The following PTPRS variants were observed in gnomAD, a reference collection of about 807,000 sequenced individuals.
PTPRS encodes protein tyrosine phosphatase receptor type S.
PTPRS carries 63 observed loss-of-function variants against 215.3 expected under a neutral mutation model. The ratio of observed to expected loss-of-function variants is 0.29; its 90% CI spans 0.24 to 0.36. The LOEUF (loss-of-function observed/expected upper bound fraction) is 0.36, where lower values mean the gene tolerates loss of function less well. Among genes scored for constraint, PTPRS ranks in the 10% least tolerant of loss-of-function variants. PTPRS has a pLI of 1.00. For missense variants in PTPRS, 2,258 were observed against 2,825.8 expected (o/e 0.80, Z 4.56); for synonymous variants, 1,404 against 1,191.4 (o/e 1.18, Z -3.68).
chr19:5,308,903 G>C (rs1000030687), intron 1 of PTPRS, among the ~76,000 whole-genome samples: 1 of 152,158 alleles, frequency 6.6e-6, no homozygotes, highest in Non-Finnish European at 1.5e-5. Context: ...AATTTTGCTC[G>C]CTCCCTCCCG....
intron 1 of PTPRS, among the ~76,000 whole-genome samples, chr19:5,315,386 CAG>C (rs2049844397): frequency 1.6e-5 from 1 of 61,528 alleles, no homozygotes; most frequent in Non-Finnish European, 3.4e-5. Context: ...TTTTTTGAGA[CAG>C]AGTCTCACTC....
At chr19:5,227,536 T>C (rs1437220532) in intron 16 of PTPRS, among the ~76,000 whole-genome samples, 1 of 151,940 alleles carries the variant, frequency 6.6e-6, no homozygotes, top group African/African-American at 2.4e-5. Context: ...TGCCTCAGCC[T>C]CCCGAGTAGC....
At chr19:5,271,793 C>T (rs2046935458) in intron 4 of PTPRS, among the ~76,000 whole-genome samples, 1 of 152,002 alleles carries the variant, frequency 6.6e-6, no homozygotes, top group Admixed American at 6.6e-5. Context: ...GGTGTGATCT[C>T]AGCTCACTGC....
intron 4 of PTPRS, among the ~76,000 whole-genome samples, chr19:5,267,363 C>T (rs1202518246): frequency 6.6e-6 from 1 of 152,054 alleles, no homozygotes; most frequent in East Asian, 1.9e-4. Flanking sequence ...GGGTGCTCTA[C>T]AAACCAAGAT....
intron 1 of PTPRS, among the ~76,000 whole-genome samples, chr19:5,288,117 G>A (rs1447513954): frequency 6.6e-6 from 1 of 152,092 alleles, no homozygotes; most frequent in African/African-American, 2.4e-5. Flanking sequence ...AGGGGTCATG[G>A]TGGGGCAGGC....
chr19:5,286,336 C>A, intron 1 of PTPRS, 102 bp from the exon 2 acceptor site: 1 of 616,280 alleles, frequency 1.6e-6, no homozygotes, highest in Non-Finnish European at 2.9e-6. Context: ...GAGGGTCCTG[C>A]GGGGGCTGGT....
At chr19:5,218,279 G>A in intron 25 of PTPRS, 141 bp downstream of exon 25, 1 of 723,000 alleles carries the variant, frequency 1.4e-6, no homozygotes, top group Non-Finnish European at 2.4e-6. Flanking sequence ...TAGGGTTGGA[G>A]GTATTTGGGA....
At chr19:5,304,563 C>A (rs550489287) in intron 1 of PTPRS, among the ~76,000 whole-genome samples, 8 of 152,296 alleles carry the variant, frequency 5.3e-5, no homozygotes, top group East Asian at 1.9e-4. Context: ...GTGAGAGAAT[C>A]ACTTGAACCC....
chr19:5,333,101 A>G (rs2050379475), intron 1 of PTPRS, among the ~76,000 whole-genome samples: 1 of 152,058 alleles, frequency 6.6e-6, no homozygotes, highest in Non-Finnish European at 1.5e-5. Context: ...GTGAGCTGAG[A>G]TCACGCCGTT....
chr19:5,327,910 C>T (rs2050213485), intron 1 of PTPRS, among the ~76,000 whole-genome samples: 1 of 151,986 alleles, frequency 6.6e-6, no homozygotes, highest in African/African-American at 2.4e-5. Context: ...TACTGGTTGA[C>T]TCTTAAAATC....
At chr19:5,263,860 C>T (rs981474965) in intron 5 of PTPRS, among the ~76,000 whole-genome samples, 2 of 152,202 alleles carry the variant, frequency 1.3e-5, no homozygotes, top group Non-Finnish European at 2.9e-5. Context: ...AAGGGAGGCC[C>T]GTGTGTGACA....
intron 37 of PTPRS, 29 bp from the exon 38 acceptor site, chr19:5,206,871 C>A: frequency 6.2e-7 from 1 of 1,607,380 alleles, no homozygotes; most frequent in East Asian, 2.2e-5. Context: ...CCTGTTAGTA[C>A]CTCCGCTGCT....
At chr19:5,315,071 C>T (rs2049828564) in intron 1 of PTPRS, among the ~76,000 whole-genome samples, 1 of 152,128 alleles carries the variant, frequency 6.6e-6, no homozygotes, top group Non-Finnish European at 1.5e-5. Context: ...GAAGCTTTTG[C>T]CCATGCTGTT....
In PTPRS at chr19:5,223,226, C is replaced by A; in HGVS notation, c.2566G>T (p.Ala856Ser). The change falls in exon 18 of 38, where the codon GCT becomes TCT. Residue 856 changes from alanine (A) to serine (S), a missense_variant. Around this residue, in one of 6 missense-constraint regions of PTPRS, gnomAD observed 361 missense variants for 332.6 expected, o/e 1.09. Transcript: ENST00000262963. ...GSLLARWEPP[A>S]GTAEDQVLGY... The stretch of plus-strand genomic sequence containing the variant: ...AGCACCTGGTCCTCCGCGGTGCCAG[C>A]CGGGGGCTCCCAGCGTGCCAGCAGG... The A allele has an allele frequency of 6.7e-7, 1 of 1,494,310 alleles. No individual in the cohort carries two copies. The highest frequency in any genetic ancestry group is 8.9e-7 in the Non-Finnish European group (1 of 1,121,992). 92.6% of individuals were successfully genotyped at this position (1,494,310 alleles called of 1,614,324 possible).
At chr19:5,259,601 A>T (rs1345601365) in intron 7 of PTPRS, among the ~76,000 whole-genome samples, 1 of 152,204 alleles carries the variant, frequency 6.6e-6, no homozygotes, top group Non-Finnish European at 1.5e-5. Context: ...ATAAGTAAAT[A>T]AAACTTAGTG....
chr19:5,233,802 C>CG (rs977464534), intron 13 of PTPRS, among the ~76,000 whole-genome samples: 5 of 151,280 alleles, frequency 3.3e-5, no homozygotes, highest in African/African-American at 1.2e-4. Flanking sequence ...AAAAACTAGC[C>CG]GGGCATGGTG....
intron 2 of PTPRS, among the ~76,000 whole-genome samples, chr19:5,278,540 G>A (rs549731724): frequency 1.8e-3 from 275 of 152,196 alleles, no homozygotes; most frequent in African/African-American, 6.4e-3. Flanking sequence ...TGCAGGGCGC[G>A]ATCTTGGCTC....
At chr19:5,265,754 G>A (rs1376970450) in intron 4 of PTPRS, among the ~76,000 whole-genome samples, 1 of 151,690 alleles carries the variant, frequency 6.6e-6, no homozygotes, top group African/African-American at 2.4e-5. Flanking sequence ...GGCGATGTCT[G>A]GGGATATCTG....
chr19:5,248,561 G>A (rs1001300334), intron 9 of PTPRS, among the ~76,000 whole-genome samples: 6 of 152,138 alleles, frequency 3.9e-5, no homozygotes, highest in African/African-American at 7.2e-5. Context: ...AGGGGTGGGA[G>A]CCTCGTGGAC....
Sources: allele counts gnomAD v4.1 joint callset (sites outside exome capture counted in the v4.1 genomes callset), GRCh38; gene constraint gnomAD v4.1.1; regional missense constraint gnomAD v4.1.1; transcripts MANE v1.5; gene names NCBI Gene and HGNC (gene_info 2026-07-23, HGNC 2026-07-21).